The following FSTL5 variants were observed in gnomAD, a reference collection of about 807,000 sequenced individuals.
FSTL5 encodes follistatin like 5.
A neutral mutation model predicts 89.1 loss-of-function variants in FSTL5; 62 were observed. That is an observed-to-expected ratio of 0.70 (90% CI 0.57 to 0.86). FSTL5 has a LOEUF of 0.86. Ranked by LOEUF, FSTL5 falls within the 40% of genes least tolerant of loss-of-function variation. The probability of loss-of-function intolerance (pLI) is 0.00; values close to 1 mark genes in which losing one functional copy is unlikely to be tolerated. For missense variants in FSTL5, 1,057 were observed against 1,001.6 expected (o/e 1.06, Z -0.75); for synonymous variants, 383 against 346.2 (o/e 1.11, Z -1.18).
At position 161,776,144 on chromosome 4, in the gene FSTL5, A is replaced by G. The variant is rs772007119; in HGVS notation, c.410-70T>C. 581 of 821,888 alleles carry G rather than the reference A, an allele frequency of 7.1e-4. 1 individual carries two copies. Among genetic ancestry groups the G allele is most frequent in the Non-Finnish European group, 9.3e-4 (530 of 567,620 alleles). The allele number at this position is 821,888 out of a possible 1,614,324, so 50.9% of individuals were successfully genotyped here. On this transcript the variant is annotated intron_variant, in intron 4 of 15. Coordinates refer to ENST00000306100, the MANE Select transcript of FSTL5 (RefSeq NM_020116.5). Reference sequence around the variant, plus strand: ...GAAATAGTTTATTTAATTAAGGTTTAGAAGTTATTTTATGAATAACATACT... The same window carrying G: ...GAAATAGTTTATTTAATTAAGGTTTGGAAGTTATTTTATGAATAACATACT...
intron 15 of FSTL5, among the ~76,000 whole-genome samples, chr4:161,393,508 T>C (rs1730891308): frequency 6.6e-6 from 1 of 152,064 alleles, no homozygotes; most frequent in African/African-American, 2.4e-5. Flanking sequence ...GGAGAAGGGA[T>C]GGATGTAGCT....
chr4:161,440,213 G>A (rs780199914), intron 15 of FSTL5, among the ~76,000 whole-genome samples: 11 of 151,994 alleles, frequency 7.2e-5, no homozygotes, highest in East Asian at 1.9e-4. Context: ...TAAGAGATTC[G>A]CCAACACACA....
chr4:162,019,736 T>TTCTCTC (rs923776985), intron 3 of FSTL5, among the ~76,000 whole-genome samples: 1 of 147,456 alleles, frequency 6.8e-6, no homozygotes, highest in Non-Finnish European at 1.5e-5. Context: ...AATAAACTGG[T>TTCTCTC]TCTCTCTCTC....
At chr4:161,981,417 G>A (rs922776733) in intron 3 of FSTL5, among the ~76,000 whole-genome samples, 1 of 152,120 alleles carries the variant, frequency 6.6e-6, no homozygotes, top group African/African-American at 2.4e-5. Context: ...ATCTAGCAAA[G>A]CTCTGTGTTT....
intron 10 of FSTL5, among the ~76,000 whole-genome samples, chr4:161,515,084 T>G (rs1300119447): frequency 6.6e-6 from 1 of 152,138 alleles, no homozygotes; most frequent in Non-Finnish European, 1.5e-5. Context: ...AAATTATATA[T>G]ATTGTTATTA....
chr4:161,399,309 G>A (rs1731103730), intron 15 of FSTL5, among the ~76,000 whole-genome samples: 1 of 151,790 alleles, frequency 6.6e-6, no homozygotes, highest in Admixed American at 6.6e-5. Context: ...GAAGCCTTAC[G>A]GTAACATAAA....
At chr4:162,143,365 T>A (rs1227444101) in intron 1 of FSTL5, among the ~76,000 whole-genome samples, 1 of 152,140 alleles carries the variant, frequency 6.6e-6, no homozygotes, top group Non-Finnish European at 1.5e-5. Flanking sequence ...TTTATTTTAA[T>A]ATTTAATTAT....
chr4:161,869,720 A>G (rs560243379), intron 4 of FSTL5, among the ~76,000 whole-genome samples: 25 of 152,236 alleles, frequency 1.6e-4, no homozygotes, highest in African/African-American at 6.0e-4. Context: ...AGTTGTGTCA[A>G]TGTTGAGAAA....
intron 7 of FSTL5, among the ~76,000 whole-genome samples, chr4:161,623,063 T>C (rs1022074063): frequency 6.6e-6 from 1 of 152,028 alleles, no homozygotes; most frequent in Non-Finnish European, 1.5e-5. Flanking sequence ...AATTACACTT[T>C]TGACAGAAAA....
intron 7 of FSTL5, among the ~76,000 whole-genome samples, chr4:161,597,344 C>T (rs1734052073): frequency 6.6e-6 from 1 of 151,886 alleles, no homozygotes; most frequent in East Asian, 2.0e-4. Context: ...TAGTTGTAAG[C>T]TGGAAACCAT....
intron 10 of FSTL5, among the ~76,000 whole-genome samples, chr4:161,512,929 T>A (rs970485603): frequency 3.9e-5 from 6 of 152,082 alleles, no homozygotes; most frequent in Non-Finnish European, 8.8e-5. Context: ...TAATGATTGT[T>A]TTACTACACA....
intron 4 of FSTL5, among the ~76,000 whole-genome samples, chr4:161,839,675 C>T (rs1444017152): frequency 6.6e-6 from 1 of 152,032 alleles, no homozygotes; most frequent in East Asian, 1.9e-4. Context: ...TTTAAGTGGT[C>T]AACATTTAAA....
intron 3 of FSTL5, among the ~76,000 whole-genome samples, chr4:161,998,878 A>G (rs1395618801): frequency 6.6e-6 from 1 of 151,590 alleles, no homozygotes; most frequent in South Asian, 2.1e-4. Context: ...ACACACACAC[A>G]CACACACACA....
chr4:161,754,742 T>C (rs2126785377), intron 6 of FSTL5, among the ~76,000 whole-genome samples: 1 of 152,248 alleles, frequency 6.6e-6, no homozygotes, highest in Non-Finnish European at 1.5e-5. Flanking sequence ...AGACATTTAT[T>C]TGAGCATCAC....
At chr4:161,632,526 T>C (rs1174262916) in intron 7 of FSTL5, among the ~76,000 whole-genome samples, 1 of 152,194 alleles carries the variant, frequency 6.6e-6, no homozygotes, top group Non-Finnish European at 1.5e-5. Context: ...GCTAAGTAAA[T>C]AACCTGGCCA....
At chr4:161,723,966 C>T (rs1199682280) in intron 6 of FSTL5, among the ~76,000 whole-genome samples, 1 of 151,814 alleles carries the variant, frequency 6.6e-6, no homozygotes, top group Non-Finnish European at 1.5e-5. Flanking sequence ...ATGTTGAAAG[C>T]CATAAGGAGC....
chr4:161,580,074 AC>A (rs1733380999), intron 8 of FSTL5, among the ~76,000 whole-genome samples: 1 of 152,150 alleles, frequency 6.6e-6, no homozygotes, highest in Admixed American at 6.5e-5. Flanking sequence ...AATAATTAGA[AC>A]ATTTATATAT....
intron 1 of FSTL5, among the ~76,000 whole-genome samples, chr4:162,130,191 T>G (rs966381593): frequency 1.3e-5 from 2 of 152,198 alleles, no homozygotes; most frequent in Non-Finnish European, 2.9e-5. Flanking sequence ...AAAAACTCTC[T>G]TTTTGTTTTC....
intron 8 of FSTL5, among the ~76,000 whole-genome samples, chr4:161,550,685 A>G (rs929769478): frequency 6.6e-6 from 1 of 151,842 alleles, no homozygotes; most frequent in African/African-American, 2.4e-5. Flanking sequence ...TGCACCCACT[A>G]ACTCGTCATC....
Sources: gnomAD v4.1 joint callset for allele counts (sites outside exome capture counted in the v4.1 genomes callset) on GRCh38, gnomAD v4.1.1 for gene constraint, MANE v1.5 for transcripts, NCBI Gene and HGNC (gene_info 2026-07-23, HGNC 2026-07-21) for gene names.